Variants in GALR2 observed in about 807,000 individuals in gnomAD.
GALR2 encodes galanin receptor type 2.
In GALR2, 5 loss-of-function variants were observed where a neutral mutation model predicts 7.2. That is an observed-to-expected ratio of 0.69 (90% CI 0.36 to 1.45). The LOEUF (loss-of-function observed/expected upper bound fraction) is 1.45, where lower values mean the gene tolerates loss of function less well. GALR2 is among the 40% of genes most tolerant of loss of function. The pLI, the probability that GALR2 is intolerant of heterozygous loss-of-function variation, is 0.03. For synonymous variants in GALR2, 300 were observed against 263.9 expected (o/e 1.14, Z -1.32); for missense variants, 561 against 555.7 (o/e 1.01, Z -0.10).
At chr17:76,072,245 C>T (rs947674263), upstream of GALR2, 185 of 1,600,240 alleles carry the variant, frequency 1.2e-4, no homozygotes, top group Non-Finnish European at 1.5e-4. This position sits in a 1 kb window ranked among gnomAD's most constrained non-coding sequence, Gnocchi z 4.5. Flanking sequence ...CCGCCTCTCC[C>T]GCCCCCAGCC....
rs762468562 is a variant in GALR2 at position 76,077,320 on chromosome 17, C to A, written c.1053C>A (p.Ala351=). The part of the protein sequence containing the change: ...DLLHMSEAAG[A]LRPCPGASQP... ...TGCACATGAGCGAGGCGGCGGGGGC[C>A]CTTCGTCCCTGCCCCGGCGCTTCCC... Residue 351 remains alanine, a synonymous_variant, in exon 2 of 2, where the codon GCC becomes GCA. Coordinates refer to ENST00000329003, the MANE Select transcript of GALR2 (RefSeq NM_003857.4). 1.9e-6 allele frequency: 3 copies of A among 1,577,140 alleles called. No homozygotes were observed. Among genetic ancestry groups the A allele is most frequent in the Non-Finnish European group, 2.6e-6 (3 of 1,169,124 alleles).
Position 76,077,453 on chromosome 17 carries a change from G to C in GALR2, c.*22G>C. ...CTGAAAGCACTTAGCGGGCGCGCTG[G>C]GATGTCACAGAGTTGGAGTCATTGT... On this transcript the variant is annotated 3_prime_UTR_variant, in exon 2 of 2. Coordinates refer to ENST00000329003, the MANE Select transcript of GALR2 (RefSeq NM_003857.4). 2 of 1,441,202 alleles carry C rather than the reference G, an allele frequency of 1.4e-6. No homozygotes were observed. Among genetic ancestry groups the C allele is most frequent in the South Asian group, 2.9e-5 (2 of 68,174 alleles). The allele number at this position is 1,441,202 out of a possible 1,614,324, so 89.3% of individuals were successfully genotyped here.
Position 76,077,272 on chromosome 17 carries a change from G to A in GALR2, c.1005G>A (p.Leu335=), listed in dbSNP as rs778921138. 3 of 1,601,464 alleles carry A rather than the reference G, an allele frequency of 1.9e-6. No individual in the cohort carries two copies. The African/African-American group carries it at 4.0e-5, about 21-fold the overall frequency. Residue 335 remains leucine, a synonymous_variant, in exon 2 of 2, where the codon TTG becomes TTA. Coordinates refer to ENST00000329003, the MANE Select transcript of GALR2 (RefSeq NM_003857.4). ...AARGTHSGSV[L]ERESSDLLHM... ...GGGGCACCCACAGTGGCAGCGTGTT[G>A]GAGCGCGAGTCCAGCGACCTGTTGC...
Position 76,077,375 on chromosome 17 carries a change from C to G in GALR2, c.1108C>G (p.Pro370Ala). The G allele has an allele frequency of 6.9e-7, 1 of 1,457,618 alleles. No homozygotes were observed. Among genetic ancestry groups the G allele is most frequent in the Non-Finnish European group, 9.0e-7 (1 of 1,109,286 alleles). 90.3% of individuals were successfully genotyped at this position (1,457,618 alleles called of 1,614,324 possible). The stretch of plus-strand genomic sequence containing the variant: ...ATGCATCCTCGAGCCCTGTCCTGGC[C>G]CGTCCTGGCAGGGCCCAAAGGCAGG... ...QPCILEPCPG[P>A]SWQGPKAGDS... is the part of the protein sequence containing the mutation. The change falls in exon 2 of 2, where the codon CCG becomes GCG. Residue 370 changes from proline to alanine, a missense_variant. Physicochemically the swap from Pro to Ala is conservative, Grantham distance 27. Coordinates refer to ENST00000329003, the MANE Select transcript of GALR2 (RefSeq NM_003857.4).
upstream of GALR2, chr17:76,072,668 C>A: frequency 7.7e-7 from 1 of 1,304,240 alleles, no homozygotes; most frequent in Non-Finnish European, 1.0e-6. The surrounding 1 kb of genome is among the most constrained non-coding windows in gnomAD (Gnocchi z 4.5). Flanking sequence ...CCTGTCATCC[C>A]GGGTCCGGAA....
At position 76,075,039 on chromosome 17, in the gene GALR2, C is replaced by T. The variant is rs749938503; in HGVS notation, c.156C>T (p.Arg52=). The change falls in exon 1 of 2, where the codon CGC becomes CGT. Residue 52 remains arginine (R), a synonymous_variant. Coordinates refer to ENST00000329003, the MANE Select transcript of GALR2 (RefSeq NM_003857.4). The surrounding 1 kb of genome is among the most constrained non-coding windows in gnomAD (Gnocchi z 5.9). ...CGCTGGTGCTGGCGGTGCTGCTGCG[C>T]GGCGGCCAGGCGGTCAGCACTACCA... ...GNTLVLAVLL[R]GGQAVSTTNL... 1 of 1,610,844 alleles carries T rather than the reference C, an allele frequency of 6.2e-7. No homozygotes were observed. The highest frequency in any genetic ancestry group is 1.3e-5 in the African/African-American group (1 of 74,990).
In GALR2 at chr17:76,074,919, G is replaced by T; in HGVS notation, c.36G>T (p.Ala12=). The part of the protein sequence containing the change: ...NVSGCPGAGN[A]SQAGGGGGWH... The stretch of plus-strand genomic sequence containing the variant: ...CGGGCTGCCCAGGGGCCGGGAACGC[G>T]AGCCAGGCGGGCGGCGGGGGAGGCT... Residue 12 remains alanine (A), a synonymous_variant, in exon 1 of 2, where the codon GCG becomes GCT. Coordinates refer to ENST00000329003, the MANE Select transcript of GALR2 (RefSeq NM_003857.4). This position sits in a 1 kb window ranked among gnomAD's most constrained non-coding sequence, Gnocchi z 6.7. 1 of 1,546,772 alleles carries T rather than the reference G, an allele frequency of 6.5e-7. No individual in the cohort carries two copies. Among genetic ancestry groups the T allele is most frequent in the East Asian group, 2.4e-5 (1 of 41,502 alleles).
Position 76,074,848 on chromosome 17 carries a change from TG to T in GALR2, c.-35del. The T allele has an allele frequency of 6.8e-7, 1 of 1,462,552 alleles. No homozygotes were observed. The highest frequency in any genetic ancestry group is 2.4e-5 in the Admixed American group (1 of 41,674). 90.6% of individuals were successfully genotyped at this position (1,462,552 alleles called of 1,614,324 possible). On this transcript the variant is annotated 5_prime_UTR_variant, in exon 1 of 2. Transcript: ENST00000329003. The surrounding 1 kb of genome is among the most constrained non-coding windows in gnomAD (Gnocchi z 6.7). Reference sequence around the variant, plus strand: ...TCCCGCTCGCGGAGACCCAGACGGCTGCAGGAGCCCGGGCAGCCTCGGGGTC... The same window carrying T: ...TCCCGCTCGCGGAGACCCAGACGGCTCAGGAGCCCGGGCAGCCTCGGGGTC...
chr17:76,072,128 A>G (rs1349540333), upstream of GALR2: 9 of 1,212,892 alleles, frequency 7.4e-6, no homozygotes, highest in Non-Finnish European at 1.0e-5. This position sits in a 1 kb window ranked among gnomAD's most constrained non-coding sequence, Gnocchi z 4.5. Flanking sequence ...GGACACGAGG[A>G]AAGACTAGTC....
At chr17:76,073,175 C>T (rs141651453), upstream of GALR2, among the ~76,000 whole-genome samples, 964 of 152,260 alleles carry the variant, frequency 6.3e-3, 7 homozygotes, top group Non-Finnish European at 9.0e-3. Context: ...TTCCAATCCC[C>T]GCTCCGTCAT....
chr17:76,076,864 T>C lies in GALR2; in HGVS notation c.597T>C (p.Pro199=), dbSNP rs1164845804. The change falls in exon 2 of 2, where the codon CCT becomes CCC. Residue 199 remains proline (P), a synonymous_variant. Coordinates refer to ENST00000329003, the MANE Select transcript of GALR2 (RefSeq NM_003857.4). This position sits in a 1 kb window ranked among gnomAD's most constrained non-coding sequence, Gnocchi z 6.5. ...CCTTCGTCTTCAGCTACCTGCTTCCTGTGCTGGTTCTCGGCCTGACCTACG... is the reference window on the plus strand; with the variant it reads ...CCTTCGTCTTCAGCTACCTGCTTCCCGTGCTGGTTCTCGGCCTGACCTACG... ...ICTFVFSYLL[P]VLVLGLTYAR... is the part of the protein sequence containing the mutation. 1 of 1,604,346 alleles carries C rather than the reference T, an allele frequency of 6.2e-7. No homozygotes were observed. The highest frequency in any genetic ancestry group is 8.5e-7 in the Non-Finnish European group (1 of 1,179,336).
rs1220830798 is a variant in GALR2, at chr17:76,077,063, C to T, written c.796C>T (p.Leu266Phe). 6.2e-7 allele frequency: 1 copy of T among 1,613,058 alleles called. No homozygotes were observed. Among genetic ancestry groups the T allele is most frequent in the Admixed American group, 1.7e-5 (1 of 60,030 alleles). The change falls in exon 2 of 2, where the codon CTC (leucine) becomes TTC (phenylalanine). Residue 266 changes from leucine to phenylalanine, a missense_variant. Coordinates refer to ENST00000329003, the MANE Select transcript of GALR2 (RefSeq NM_003857.4). Reference sequence around the variant, plus strand: ...CTGCGTGTGGTTCGGCCAGTTCCCGCTCACGCGCGCCACTTATGCGCTTCG... The same window carrying T: ...CTGCGTGTGGTTCGGCCAGTTCCCGTTCACGCGCGCCACTTATGCGCTTCG... ...ILCVWFGQFP[L>F]TRATYALRIL...
chr17:76,075,229 C>T lies in GALR2; in HGVS notation c.346C>T (p.Leu116=). Residue 116 remains leucine, a synonymous_variant, in exon 1 of 2, where the codon CTG becomes TTG. Transcript: ENST00000329003. This position sits in a 1 kb window ranked among gnomAD's most constrained non-coding sequence, Gnocchi z 5.9. ...CACCATGCACGCCAGCAGCTTCACG[C>T]TGGCCGCCGTCTCCCTGGACAGGTG... ...FLTMHASSFT[L]AAVSLDRYLA... is the part of the protein sequence containing the mutation. The T allele has an allele frequency of 6.2e-7, 1 of 1,604,924 alleles. No individual in the cohort carries two copies. The highest frequency in any genetic ancestry group is 8.5e-7 in the Non-Finnish European group (1 of 1,179,550).
rs545111534 is a variant in GALR2 at position 76,076,188 on chromosome 17, C to T, written c.369-448C>T. Among the ~76,000 whole-genome samples the T allele has an allele frequency of 1.4e-4, 22 of 152,358 alleles. No individual in the cohort carries two copies. The highest frequency in any genetic ancestry group is 5.3e-4 in the African/African-American group (22 of 41,592). On this transcript the variant is annotated intron_variant, in intron 1 of 1. Coordinates refer to ENST00000329003, the MANE Select transcript of GALR2 (RefSeq NM_003857.4). The surrounding 1 kb of genome is among the most constrained non-coding windows in gnomAD (Gnocchi z 6.5). ...GAATCCCCTGAGAAATTAACTGTCCCTTGCCCAACATGTCTTCTCCAGGCT... is the reference window on the plus strand; with the variant it reads ...GAATCCCCTGAGAAATTAACTGTCCTTTGCCCAACATGTCTTCTCCAGGCT...
In GALR2 at chr17:76,076,888, C is replaced by T. The variant is rs2066891899; in HGVS notation, c.621C>T (p.Tyr207=). 1.9e-6 allele frequency: 3 copies of T among 1,603,224 alleles called. No homozygotes were observed. The highest frequency in any genetic ancestry group is 8.5e-7 in the Non-Finnish European group (1 of 1,179,152). Reference sequence around the variant, plus strand: ...CTGTGCTGGTTCTCGGCCTGACCTACGCGCGCACCTTGCGCTACCTCTGGC... The same window carrying T: ...CTGTGCTGGTTCTCGGCCTGACCTATGCGCGCACCTTGCGCTACCTCTGGC... ...LLPVLVLGLT[Y]ARTLRYLWRA... The change falls in exon 2 of 2, where the codon TAC becomes TAT. Residue 207 remains tyrosine (Y), a synonymous_variant. Coordinates refer to ENST00000329003, the MANE Select transcript of GALR2 (RefSeq NM_003857.4). The surrounding 1 kb of genome is among the most constrained non-coding windows in gnomAD (Gnocchi z 6.5).
At position 76,077,181 on chromosome 17, in the gene GALR2, C is replaced by T. The variant is rs2144550015; in HGVS notation, c.914C>T (p.Thr305Met). ...AAGCACTTCCGCAAAGGCTTCCGCA[C>T]GATCTGCGCGGGCCTGCTGGGCCGT... Reference protein sequence around the residue: ...VSKHFRKGFRTICAGLLGRAP... With the variant: ...VSKHFRKGFRMICAGLLGRAP... The change falls in exon 2 of 2, where the codon ACG becomes ATG. Residue 305 changes from threonine (T) to methionine (M), a missense_variant. Coordinates refer to ENST00000329003, the MANE Select transcript of GALR2 (RefSeq NM_003857.4). 6.2e-7 allele frequency: 1 copy of T among 1,611,098 alleles called. No individual in the cohort carries two copies. Among genetic ancestry groups the T allele is most frequent in the East Asian group, 2.2e-5 (1 of 44,792 alleles).
At chr17:76,072,496 C>G, upstream of GALR2, 2 of 1,582,294 alleles carry the variant, frequency 1.3e-6, no homozygotes, top group Non-Finnish European at 8.5e-7. The surrounding 1 kb of genome is among the most constrained non-coding windows in gnomAD (Gnocchi z 4.5). Flanking sequence ...AGCCATCTTG[C>G]CCCTGCGCCG....
At position 76,077,201 on chromosome 17, in the gene GALR2, G is replaced by C; in HGVS notation, c.934G>C (p.Gly312Arg). The C allele has an allele frequency of 1.2e-6, 2 of 1,609,594 alleles. No homozygotes were observed. The highest frequency in any genetic ancestry group is 1.7e-6 in the Non-Finnish European group (2 of 1,178,628). ...GFRTICAGLL[G>R]RAPGRASGRV... ...CCGCACGATCTGCGCGGGCCTGCTG[G>C]GCCGTGCCCCAGGCCGAGCCTCGGG... The change falls in exon 2 of 2, where the codon GGC (glycine) becomes CGC (arginine). Residue 312 changes from glycine to arginine, a missense_variant. Coordinates refer to ENST00000329003, the MANE Select transcript of GALR2 (RefSeq NM_003857.4).
At chr17:76,072,360 A>G (rs1439606860), upstream of GALR2, 2 of 1,612,746 alleles carry the variant, frequency 1.2e-6, no homozygotes, top group Admixed American at 1.7e-5. The surrounding 1 kb of genome is among the most constrained non-coding windows in gnomAD (Gnocchi z 4.5). Flanking sequence ...ATCCGGCCGA[A>G]GGGCGTTCGT....
Sources: allele counts gnomAD v4.1 joint callset (sites outside exome capture counted in the v4.1 genomes callset), GRCh38; gene constraint gnomAD v4.1.1; non-coding constraint Gnocchi (gnomAD v3.1); transcripts MANE v1.5; gene names NCBI Gene and HGNC (gene_info 2026-07-23, HGNC 2026-07-21).